Variants in SMIM14 observed in about 807,000 individuals in gnomAD.
The protein encoded by SMIM14 is small integral membrane protein 14.
A neutral mutation model predicts 12.6 loss-of-function variants in SMIM14; 5 were observed. That is an observed-to-expected ratio of 0.40 (90% confidence interval 0.21 to 0.83). The LOEUF is 0.83. Ranked by LOEUF, SMIM14 falls within the 40% of genes least tolerant of loss-of-function variation. The probability of loss-of-function intolerance (pLI) is 0.37; values close to 1 mark genes in which losing one functional copy is unlikely to be tolerated. For synonymous variants in SMIM14, 30 were observed against 40.1 expected (o/e 0.75, Z 0.95); for missense variants, 86 against 119.1 (o/e 0.72, Z 1.29).
intron 1 of SMIM14, among the ~76,000 whole-genome samples, chr4:39,610,532 A>G (rs905386052): frequency 6.6e-6 from 1 of 151,956 alleles, no homozygotes; most frequent in East Asian, 1.9e-4. Context: ...TCCACACACA[A>G]AAATTTTTTT....
At chr4:39,567,143 G>GAAAA (rs1168446466) in intron 3 of SMIM14, among the ~76,000 whole-genome samples, 2 of 72,110 alleles carry the variant, frequency 2.8e-5, no homozygotes, top group Non-Finnish European at 5.5e-5. Flanking sequence ...CTCAAAAAAA[G>GAAAA]AAAAAAAAAA....
chr4:39,553,872 G>A (rs1297639112), intron 4 of SMIM14, among the ~76,000 whole-genome samples: 1 of 152,138 alleles, frequency 6.6e-6, no homozygotes, highest in African/African-American at 2.4e-5. Context: ...GGGATTACAG[G>A]TGAGAGCCAC....
At chr4:39,636,977 G>A (rs1009818074) in intron 1 of SMIM14, among the ~76,000 whole-genome samples, 1 of 152,140 alleles carries the variant, frequency 6.6e-6, no homozygotes, top group Non-Finnish European at 1.5e-5. Context: ...ACGGATAAGG[G>A]GGCACTACTG....
intron 3 of SMIM14, among the ~76,000 whole-genome samples, chr4:39,570,340 T>C (rs905559655): frequency 6.6e-6 from 1 of 152,016 alleles, no homozygotes; most frequent in Non-Finnish European, 1.5e-5. Context: ...TTTGTATTTT[T>C]AGTAGAGACA....
intron 4 of SMIM14, among the ~76,000 whole-genome samples, chr4:39,555,821 A>G (rs1038652613): frequency 1.3e-5 from 2 of 152,176 alleles, no homozygotes; most frequent in African/African-American, 4.8e-5. Flanking sequence ...AACTAAAGCT[A>G]CTAAGAGTTT....
At chr4:39,571,866 G>A (rs1041609804) in intron 3 of SMIM14, among the ~76,000 whole-genome samples, 6 of 151,074 alleles carry the variant, frequency 4.0e-5, no homozygotes, top group African/African-American at 9.7e-5. Context: ...GCAGTGGTGC[G>A]ATCACAGCTC....
intron 2 of SMIM14, among the ~76,000 whole-genome samples, chr4:39,598,070 C>T (rs1450862894): frequency 6.6e-6 from 1 of 152,174 alleles, no homozygotes; most frequent in Non-Finnish European, 1.5e-5. Context: ...TGGTCCTTAA[C>T]ATGCAACTAG....
intron 3 of SMIM14, among the ~76,000 whole-genome samples, chr4:39,570,632 G>C (rs2110005153): frequency 6.6e-6 from 1 of 151,696 alleles, no homozygotes; most frequent in African/African-American, 2.4e-5. Flanking sequence ...AAACGCTGGT[G>C]CTTCCCCACA....
intron 3 of SMIM14, among the ~76,000 whole-genome samples, chr4:39,569,709 C>T (rs1033634137): frequency 1.3e-5 from 2 of 151,434 alleles, no homozygotes; most frequent in Non-Finnish European, 2.9e-5. Context: ...TGCACTCCAG[C>T]CTGGGCGACA....
intron 1 of SMIM14, among the ~76,000 whole-genome samples, chr4:39,619,242 A>C (rs1715348318): frequency 7.5e-6 from 1 of 133,988 alleles, no homozygotes; most frequent in Non-Finnish European, 1.6e-5. Context: ...ATCAATAAAT[A>C]TAATTTATTC....
chr4:39,637,317 A>C (rs1478580947), intron 1 of SMIM14, among the ~76,000 whole-genome samples: 1 of 152,210 alleles, frequency 6.6e-6, no homozygotes, highest in African/African-American at 2.4e-5. Context: ...CTGAAAAAGA[A>C]CTTCAAGAAA....
In SMIM14 at chr4:39,551,255, T is replaced by C. The variant is rs1284140350; in HGVS notation, c.*871A>G. 1 of 152,256 alleles carries C rather than the reference T, an allele frequency of 6.6e-6. No homozygotes were observed. The highest frequency in any genetic ancestry group is 1.5e-5 in the Non-Finnish European group (1 of 68,032). 9.4% of individuals were successfully genotyped at this position (152,256 alleles called of 1,614,324 possible). On this transcript the variant is annotated 3_prime_UTR_variant, in exon 5 of 5. Coordinates refer to ENST00000295958, the MANE Select transcript of SMIM14 (RefSeq NM_174921.3). The stretch of plus-strand genomic sequence containing the variant: ...GGAACTGTTAGAACAGAAAAGAAGC[T>C]TCCCAAGAGGCACTCATTTTAAAAA...
chr4:39,603,195 A>C (rs1451284341), intron 2 of SMIM14, among the ~76,000 whole-genome samples: 2 of 152,234 alleles, frequency 1.3e-5, no homozygotes, highest in Non-Finnish European at 2.9e-5. Context: ...CAACCAGTAT[A>C]ATGTGTAATA....
rs1713377958 is a variant in SMIM14, at chr4:39,579,424, A to G, written c.76-6961T>C. On this transcript the variant is annotated intron_variant, in intron 2 of 4. Transcript: ENST00000295958. ...GACAGTGCCTCCAAAAAAAAAAAAA[A>G]AGAAAAAAAAGAAAAGAAAAAGGCA... Among the ~76,000 whole-genome samples, 4 of 151,784 alleles carry G rather than the reference A, an allele frequency of 2.6e-5. No homozygotes were observed. In the South Asian group the frequency reaches 8.3e-4, roughly 31 times the overall value.
At chr4:39,626,707 A>G (rs961320707) in intron 1 of SMIM14, among the ~76,000 whole-genome samples, 1 of 152,246 alleles carries the variant, frequency 6.6e-6, no homozygotes, top group Non-Finnish European at 1.5e-5. Flanking sequence ...TACCTTTGTG[A>G]TCACTACTTT....
rs946828771 is a variant in SMIM14, at chr4:39,546,515, A to G, written c.*5611T>C. On this transcript the variant is annotated 3_prime_UTR_variant, in exon 5 of 5. Coordinates refer to ENST00000295958, the MANE Select transcript of SMIM14 (RefSeq NM_174921.3). ...TGGAGCATCTTTTGGAGGGGGGGGA[A>G]CCCCCAACAACTCTACAAATTGAGA... 3 of 152,340 alleles carry G rather than the reference A, an allele frequency of 2.0e-5. No homozygotes were observed. The highest frequency in any genetic ancestry group is 1.9e-4 in the East Asian group (1 of 5,184). The allele number at this position is 152,340 out of a possible 1,614,324, so 9.4% of individuals were successfully genotyped here.
Position 39,638,746 on chromosome 4 carries a change from GACA to G in SMIM14, c.-46_-44del, listed in dbSNP as rs1272260693. ...AGAGGGGGAGACACTCACCCGCCCA[GACA>G]ACAACCGATGGGGCGGGGAGGATGG... On this transcript the variant is annotated 5_prime_UTR_variant, in exon 1 of 5. Transcript: ENST00000295958. 2 of 985,352 alleles carry G rather than the reference GACA, an allele frequency of 2.0e-6. No individual in the cohort carries two copies. The highest frequency in any genetic ancestry group is 1.7e-5 in the African/African-American group (1 of 57,230). The allele number at this position is 985,352 out of a possible 1,614,324, so 61.0% of individuals were successfully genotyped here.
chr4:39,581,462 G>A (rs1003868792), intron 2 of SMIM14, among the ~76,000 whole-genome samples: 12 of 150,696 alleles, frequency 8.0e-5, no homozygotes, highest in African/African-American at 2.9e-4. Context: ...ATTTCCACTG[G>A]TTAACTTTAA....
chr4:39,592,500 T>G (rs1560296644), intron 2 of SMIM14, among the ~76,000 whole-genome samples: 1 of 152,144 alleles, frequency 6.6e-6, no homozygotes, highest in South Asian at 2.1e-4. Context: ...GAGAGGATAC[T>G]TTTCTTCTAT....
Sources: allele counts gnomAD v4.1 joint callset (sites outside exome capture counted in the v4.1 genomes callset), GRCh38; gene constraint gnomAD v4.1.1; transcripts MANE v1.5; gene names NCBI Gene and HGNC (gene_info 2026-07-23, HGNC 2026-07-21).